Variants in TLL1 observed in about 807,000 individuals in gnomAD.
TLL1 encodes the protein tolloid like 1.
TLL1 carries 49 observed loss-of-function variants against 128.2 expected under a neutral mutation model. The ratio of observed to expected loss-of-function variants is 0.38; its 90% CI spans 0.30 to 0.48. TLL1 has a LOEUF of 0.48. Ranked by LOEUF, TLL1 falls within the 20% of genes least tolerant of loss-of-function variation. The pLI, the probability that TLL1 is intolerant of heterozygous loss-of-function variation, is 0.96. For synonymous variants in TLL1, 454 were observed against 418.8 expected (o/e 1.08, Z -1.03); for missense variants, 1,123 against 1,242.0 (o/e 0.90, Z 1.44).
intron 5 of TLL1, among the ~76,000 whole-genome samples, chr4:165,999,700 T>C (rs60394379): frequency 0.016 from 2,403 of 151,908 alleles, 64 homozygotes; most frequent in African/African-American, 0.055. Context: ...TCTCAAACTC[T>C]TGGGCTCAAG....
At chr4:165,975,690 A>G (rs1475434544) in intron 1 of TLL1, among the ~76,000 whole-genome samples, 1 of 152,202 alleles carries the variant, frequency 6.6e-6, no homozygotes, top group African/African-American at 2.4e-5. Flanking sequence ...AGTAACTGCT[A>G]GAATCTTTTA....
chr4:166,011,741 C>T (rs1393860783), intron 7 of TLL1, among the ~76,000 whole-genome samples: 2 of 151,432 alleles, frequency 1.3e-5, no homozygotes, highest in Non-Finnish European at 3.0e-5. Flanking sequence ...TTCAGGTTTT[C>T]ACCATTGATT....
At chr4:165,911,891 T>C (rs1444820709) in intron 1 of TLL1, among the ~76,000 whole-genome samples, 1 of 152,156 alleles carries the variant, frequency 6.6e-6, no homozygotes, top group Non-Finnish European at 1.5e-5. Context: ...TGTTTCGTTT[T>C]TTGAGACAGA....
chr4:166,021,631 C>T (rs1738239070), intron 8 of TLL1, among the ~76,000 whole-genome samples: 1 of 152,062 alleles, frequency 6.6e-6, no homozygotes, highest in Non-Finnish European at 1.5e-5. Flanking sequence ...TGAGGTTTCA[C>T]CATGTTGGCC....
At chr4:165,979,875 G>A (rs1736070345) in intron 1 of TLL1, among the ~76,000 whole-genome samples, 1 of 152,132 alleles carries the variant, frequency 6.6e-6, no homozygotes, top group African/African-American at 2.4e-5. Flanking sequence ...TGGTGAATAT[G>A]CTTTTCTATA....
chr4:166,054,585 T>A (rs991865673), intron 12 of TLL1, among the ~76,000 whole-genome samples: 3 of 104,234 alleles, frequency 2.9e-5, no homozygotes, highest in Non-Finnish European at 3.6e-5. Context: ...CCCACCACAG[T>A]CCTCACAGTG....
chr4:166,005,267 C>T (rs1363962493), intron 6 of TLL1, among the ~76,000 whole-genome samples: 4 of 151,776 alleles, frequency 2.6e-5, no homozygotes, highest in Non-Finnish European at 5.9e-5. Context: ...TTGTATGATC[C>T]TTATTTTGTA....
chr4:165,995,557 G>A (rs1736838664), intron 5 of TLL1, among the ~76,000 whole-genome samples: 2 of 152,122 alleles, frequency 1.3e-5, no homozygotes, highest in African/African-American at 4.8e-5. Context: ...CCATGTCAAT[G>A]CCCTAGTTCA....
intron 15 of TLL1, among the ~76,000 whole-genome samples, chr4:166,061,433 CG>C (rs1740309507): frequency 6.6e-6 from 1 of 151,714 alleles, no homozygotes. Context: ...TTAGTAGAGA[CG>C]GGGTTTCACC....
At chr4:166,061,237 CCTTTTTTTTTTTT>C (rs202085088) in intron 15 of TLL1, among the ~76,000 whole-genome samples, 1,698 of 124,224 alleles carry the variant, frequency 0.014, 31 homozygotes, top group East Asian at 0.057. Context: ...TTCCTCCTTT[CCTTTTTTTTTTTT>C]CTTTTTTTTT....
chr4:165,995,272 T>A (rs1225316894), intron 5 of TLL1, 94 bp downstream of exon 5: 2 of 1,001,010 alleles, frequency 2.0e-6, no homozygotes, highest in Non-Finnish European at 1.6e-6. Flanking sequence ...TCTTAAGATT[T>A]GCTTTGTATT....
intron 12 of TLL1, chr4:166,044,447 C>T: frequency 1.3e-6 from 2 of 1,533,722 alleles, no homozygotes; most frequent in Non-Finnish European, 1.7e-6. Context: ...AATTCTATTT[C>T]TTCAGTACTT....
At chr4:166,045,031 A>T (rs574966573) in intron 12 of TLL1, among the ~76,000 whole-genome samples, 2,286 of 152,318 alleles carry the variant, frequency 0.015, 54 homozygotes, top group African/African-American at 0.05. Context: ...TCAGGCACTT[A>T]GAACCATGCC....
intron 12 of TLL1, among the ~76,000 whole-genome samples, chr4:166,050,873 C>T (rs1234082035): frequency 1.3e-5 from 2 of 152,100 alleles, no homozygotes; most frequent in South Asian, 2.1e-4. Context: ...AGATATGAAC[C>T]CTCAGTAGTG....
intron 1 of TLL1, among the ~76,000 whole-genome samples, chr4:165,927,553 G>A (rs1733332504): frequency 6.6e-6 from 1 of 152,168 alleles, no homozygotes; most frequent in Admixed American, 6.6e-5. Flanking sequence ...TGAGAGTATT[G>A]GTTTGAAGCC....
In TLL1 at chr4:166,050,652, T is replaced by G. The variant is rs189342621; in HGVS notation, c.1525-4424T>G. 3.9e-5 allele frequency among the ~76,000 whole-genome samples: 6 copies of G among 152,296 alleles called. No homozygotes were observed. In the East Asian group the frequency reaches 1.2e-3, roughly 29 times the overall value. On this transcript the variant is annotated intron_variant, in intron 12 of 20. Coordinates refer to ENST00000061240, the MANE Select transcript of TLL1 (RefSeq NM_012464.5). Reference sequence around the variant, plus strand: ...TTTGGTTATCAAATGAAGGCAAGCATGTGAGTGTGTCCCAAGCCTGGCCAT... The same window carrying G: ...TTTGGTTATCAAATGAAGGCAAGCAGGTGAGTGTGTCCCAAGCCTGGCCAT...
At chr4:165,911,788 C>G (rs1732543266) in intron 1 of TLL1, among the ~76,000 whole-genome samples, 1 of 152,054 alleles carries the variant, frequency 6.6e-6, no homozygotes, top group South Asian at 2.1e-4. Flanking sequence ...TTCTGAAACC[C>G]AAATGTCTTG....
chr4:166,065,474 A>G lies in TLL1; in HGVS notation c.2008-209A>G, dbSNP rs970514076. On this transcript the variant is annotated intron_variant, in intron 15 of 20. Coordinates refer to ENST00000061240, the MANE Select transcript of TLL1 (RefSeq NM_012464.5). ...GAACTTCAGTTTTCTCATCTCTACA[A>G]TGGAAAGAGCTATTTCTATTGCTAG... Among the ~76,000 whole-genome samples the G allele has an allele frequency of 2.0e-5, 3 of 151,912 alleles. No homozygotes were observed. The Admixed American group carries it at 2.0e-4, about 10-fold the overall frequency.
chr4:165,949,988 A>G (rs1417967280), intron 1 of TLL1, among the ~76,000 whole-genome samples: 1 of 152,190 alleles, frequency 6.6e-6, no homozygotes, highest in African/African-American at 2.4e-5. Context: ...AGATGATCAG[A>G]TTGGATATAA....
Sources: gnomAD v4.1 joint callset for allele counts (sites outside exome capture counted in the v4.1 genomes callset) on GRCh38, gnomAD v4.1.1 for gene constraint, MANE v1.5 for transcripts, NCBI Gene and HGNC (gene_info 2026-07-23, HGNC 2026-07-21) for gene names.